Variants in QSOX1 observed in about 807,000 individuals in gnomAD.
QSOX1 encodes sulfhydryl oxidase 1.
A neutral mutation model predicts 76.1 loss-of-function variants in QSOX1; 40 were observed. The ratio of observed to expected loss-of-function variants is 0.53; its 90% confidence interval spans 0.41 to 0.68. The LOEUF is 0.68. Ranked by LOEUF, QSOX1 falls within the 30% of genes least tolerant of loss-of-function variation. QSOX1 has a pLI of 0.00. For synonymous variants in QSOX1, 392 were observed against 413.1 expected (o/e 0.95, Z 0.62); for missense variants, 931 against 974.3 (o/e 0.96, Z 0.59).
Position 180,197,141 on chromosome 1 carries a change from G to T in QSOX1, c.*104G>T. 1 of 1,481,464 alleles carries T rather than the reference G, an allele frequency of 6.8e-7. No individual in the cohort carries two copies. Among genetic ancestry groups the T allele is most frequent in the Non-Finnish European group, 9.0e-7 (1 of 1,113,000 alleles). 91.8% of individuals were successfully genotyped at this position (1,481,464 alleles called of 1,614,324 possible). A position where few individuals can be genotyped will look rare whatever the true frequency, so the allele number is the denominator to read the frequency against. ...CACCCCTTGCTCCTTGTCTGGCCTA[G>T]AAGTGTGGGAAATTCAGGAAAACGA... On this transcript the variant is annotated 3_prime_UTR_variant, in exon 12 of 12. Coordinates refer to ENST00000367602, the MANE Select transcript of QSOX1 (RefSeq NM_002826.5).
chr1:180,166,335 G>C (rs1662616965), intron 1 of QSOX1, among the ~76,000 whole-genome samples, 156 bp from the exon 2 acceptor site: 1 of 152,240 alleles, frequency 6.6e-6, no homozygotes, highest in African/African-American at 2.4e-5. Context: ...GAATATCTCA[G>C]AGGTCCTTTT....
In QSOX1 at chr1:180,197,256, C is replaced by T. The variant is rs1663519110; in HGVS notation, c.*219C>T. ...GCAGGGTCCAGGTTCCCCTGCTGTG[C>T]AGGGAGGGCAGCCCCGGGCAGTGGG... On this transcript the variant is annotated 3_prime_UTR_variant, in exon 12 of 12. Transcript: ENST00000367602. 4 of 1,609,890 alleles carry T rather than the reference C, an allele frequency of 2.5e-6. No homozygotes were observed. The highest frequency in any genetic ancestry group is 3.4e-6 in the Non-Finnish European group (4 of 1,178,682).
chr1:180,161,720 G>A (rs1254522878), intron 1 of QSOX1, among the ~76,000 whole-genome samples: 2 of 152,100 alleles, frequency 1.3e-5, no homozygotes, highest in Non-Finnish European at 2.9e-5. Flanking sequence ...AACCAGCAAC[G>A]TTTCAAATTT....
intron 11 of QSOX1, among the ~76,000 whole-genome samples, chr1:180,195,828 C>T (rs1663466353): frequency 6.6e-6 from 1 of 152,206 alleles, no homozygotes; most frequent in South Asian, 2.1e-4. Context: ...TGGAAAATGT[C>T]AGAAAAATGC....
chr1:180,175,674 TGG>T (rs772789017), intron 3 of QSOX1, among the ~76,000 whole-genome samples: 3 of 152,138 alleles, frequency 2.0e-5, no homozygotes, highest in Non-Finnish European at 4.4e-5. Flanking sequence ...CCAGAGCCCT[TGG>T]GGAAAGTCCT....
chr1:180,185,508 G>T (rs1187244540), intron 7 of QSOX1, among the ~76,000 whole-genome samples: 1 of 152,238 alleles, frequency 6.6e-6, no homozygotes, highest in African/African-American at 2.4e-5. Context: ...AGGTCCGGCA[G>T]CTGTGAGCAC....
At chr1:180,155,252 CG>C in intron 1 of QSOX1, 80 bp downstream of exon 1, 1 of 1,288,030 alleles carries the variant, frequency 7.8e-7, no homozygotes, top group Non-Finnish European at 1.0e-6. Flanking sequence ...CCTCCTACTC[CG>C]GGAGCGCGTC....
Position 180,197,450 on chromosome 1 carries a change from G to A in QSOX1, c.*413G>A. On this transcript the variant is annotated 3_prime_UTR_variant, in exon 12 of 12. Transcript: ENST00000367602. Reference sequence around the variant, plus strand: ...TCCCCCAGCTGGGTGGGCTGGAATGGAACTCCTCACTAGCTGCTGGGGCTC... The same window carrying A: ...TCCCCCAGCTGGGTGGGCTGGAATGAAACTCCTCACTAGCTGCTGGGGCTC... The A allele has an allele frequency of 6.6e-7, 1 of 1,512,402 alleles. No individual in the cohort carries two copies. The highest frequency in any genetic ancestry group is 9.1e-7 in the Non-Finnish European group (1 of 1,094,950). 93.7% of individuals were successfully genotyped at this position (1,512,402 alleles called of 1,614,324 possible). A position where few individuals can be genotyped will look rare whatever the true frequency, so the allele number is the denominator to read the frequency against.
intron 11 of QSOX1, among the ~76,000 whole-genome samples, chr1:180,195,447 C>T (rs1360283428): frequency 2.0e-5 from 3 of 152,220 alleles, no homozygotes; most frequent in Non-Finnish European, 2.9e-5. Context: ...CTCCTGCTTC[C>T]TTGTAGTCAA....
At chr1:180,182,147 C>T (rs1282876047) in intron 5 of QSOX1, 27 bp from the exon 6 acceptor site, 3 of 1,611,376 alleles carry the variant, frequency 1.9e-6, no homozygotes, top group South Asian at 1.1e-5. Flanking sequence ...GGTGGCCTGG[C>T]CCCCAGATGT....
chr1:180,173,782 A>G (rs1572043782), intron 2 of QSOX1, among the ~76,000 whole-genome samples: 1 of 152,252 alleles, frequency 6.6e-6, no homozygotes, highest in Non-Finnish European at 1.5e-5. Context: ...ATGATGGTAC[A>G]GTTAACATGT....
intron 1 of QSOX1, among the ~76,000 whole-genome samples, chr1:180,164,552 T>G (rs1303033509): frequency 1.3e-5 from 2 of 152,152 alleles, no homozygotes; most frequent in African/African-American, 4.8e-5. Context: ...CCCCCTCCCT[T>G]GTATCAGCCC....
At chr1:180,156,700 T>C (rs1418918270) in intron 1 of QSOX1, among the ~76,000 whole-genome samples, 2 of 152,234 alleles carry the variant, frequency 1.3e-5, no homozygotes, top group Non-Finnish European at 2.9e-5. Flanking sequence ...AACGTGCCTT[T>C]CTGAGCAGTG....
intron 1 of QSOX1, among the ~76,000 whole-genome samples, chr1:180,165,075 C>A (rs1474389198): frequency 6.6e-6 from 1 of 152,214 alleles, no homozygotes; most frequent in Admixed American, 6.5e-5. Context: ...AATCTAATAC[C>A]TTTCACCTCG....
At chr1:180,158,855 C>G (rs3842830) in intron 1 of QSOX1, among the ~76,000 whole-genome samples, 150,951 of 152,298 alleles carry the variant, frequency 0.99, 74,824 homozygotes, top group East Asian at 1. Context: ...TCCAGCACCT[C>G]AACGGTTGTC....
chr1:180,161,908 CAGAGACG>C (rs1299131864), intron 1 of QSOX1, among the ~76,000 whole-genome samples: 1 of 152,138 alleles, frequency 6.6e-6, no homozygotes, highest in Non-Finnish European at 1.5e-5. Context: ...TGGTACTTAT[CAGAGACG>C]TTTCCGTGGA....
rs1204608154 is a variant in QSOX1, at chr1:180,175,970, T to C, written c.452T>C (p.Ile151Thr). 7 of 1,601,588 alleles carry C rather than the reference T, an allele frequency of 4.4e-6. No individual in the cohort carries two copies. Among genetic ancestry groups the C allele is most frequent in the Admixed American group, 1.7e-5 (1 of 57,682 alleles). The change falls in exon 4 of 12, where the codon ATT becomes ACT. Residue 151 changes from isoleucine to threonine, a missense_variant. By Grantham distance (89) the Ile-to-Thr change is moderately conservative. Coordinates refer to ENST00000367602, the MANE Select transcript of QSOX1 (RefSeq NM_002826.5). ...GTGCAGACACTGCGGGAGAGGCTCA[T>C]TGACGCCCTGGAGTCCCATCATGAC... Reference protein sequence around the residue: ...ADVQTLRERLIDALESHHDTW... With the variant: ...ADVQTLRERLTDALESHHDTW...
Position 180,196,341 on chromosome 1 carries a change from C to A in QSOX1, c.1548C>A (p.Arg516=), listed in dbSNP as rs1317874210. Reference sequence around the variant, plus strand: ...TTTGTTCTGCCTGCCACAATGAACGCCTGGATGTGCCCGTGTGGGACGTGG... The same window carrying A: ...TTTGTTCTGCCTGCCACAATGAACGACTGGATGTGCCCGTGTGGGACGTGG... ...RELCSACHNE[R]LDVPVWDVEA... is the part of the protein sequence containing the mutation. The change falls in exon 12 of 12, where the codon CGC becomes CGA. Residue 516 remains arginine (R), a synonymous_variant. Transcript: ENST00000367602. The surrounding 1 kb of genome is among the most constrained non-coding windows in gnomAD (Gnocchi z 4.1). 2 of 1,614,182 alleles carry A rather than the reference C, an allele frequency of 1.2e-6. No individual in the cohort carries two copies. Among genetic ancestry groups the A allele is most frequent in the South Asian group, 2.2e-5 (2 of 91,080 alleles).
At chr1:180,155,442 G>A (rs1029260228) in intron 1 of QSOX1, among the ~76,000 whole-genome samples, 20 of 152,120 alleles carry the variant, frequency 1.3e-4, no homozygotes, top group Admixed American at 1.2e-3. Context: ...CGCCCGGTTC[G>A]TCCCCCGCCA....
Sources: allele counts gnomAD v4.1 joint callset (sites outside exome capture counted in the v4.1 genomes callset), GRCh38; gene constraint gnomAD v4.1.1; non-coding constraint Gnocchi (gnomAD v3.1); transcripts MANE v1.5; gene names NCBI Gene and HGNC (gene_info 2026-07-23, HGNC 2026-07-21).